CALN1: variants seen among roughly 807,000 people sequenced by gnomAD.
The protein encoded by CALN1 is calcium-binding protein 8.
CALN1 carries 17 observed loss-of-function variants against 30.6 expected under a neutral mutation model. The observed-to-expected ratio is 0.56, with a 90% CI of 0.38 to 0.83. CALN1 has a LOEUF of 0.83. Ranked by LOEUF, CALN1 falls within the 40% of genes least tolerant of loss-of-function variation. The pLI, the probability that CALN1 is intolerant of heterozygous loss-of-function variation, is 0.00. For synonymous variants in CALN1, 156 were observed against 131.4 expected (o/e 1.19, Z -1.28); for missense variants, 291 against 354.9 (o/e 0.82, Z 1.45).
intron 5 of CALN1, among the ~76,000 whole-genome samples, chr7:71,844,818 T>C (rs1301412748): frequency 6.6e-6 from 1 of 152,228 alleles, no homozygotes; most frequent in African/African-American, 2.4e-5. Flanking sequence ...TGTAATTTAT[T>C]GGAAACATCA....
intron 5 of CALN1, among the ~76,000 whole-genome samples, chr7:71,819,493 C>T (rs1017023107): frequency 1.3e-5 from 2 of 152,154 alleles, no homozygotes; most frequent in African/African-American, 2.4e-5. Flanking sequence ...CATGAGCCAC[C>T]GTGCCTGGCC....
At chr7:72,153,182 C>T (rs1246423920) in intron 3 of CALN1, among the ~76,000 whole-genome samples, 3 of 152,220 alleles carry the variant, frequency 2.0e-5, no homozygotes, top group East Asian at 3.8e-4. Context: ...TCCTCTAACA[C>T]CCCTTGGCTG....
intron 3 of CALN1, among the ~76,000 whole-genome samples, chr7:72,177,743 C>T (rs1210594567): frequency 2.9e-5 from 3 of 104,548 alleles, no homozygotes; most frequent in East Asian, 9.5e-4. Flanking sequence ...CCAGCCTGGG[C>T]GACAGAGGGA....
At chr7:72,255,859 T>A (rs969554171) in intron 3 of CALN1, among the ~76,000 whole-genome samples, 4 of 151,920 alleles carry the variant, frequency 2.6e-5, no homozygotes, top group African/African-American at 9.7e-5. Context: ...GCCTCCTGAG[T>A]AGCTGCGATT....
At chr7:72,384,231 G>A (rs1001116726) in intron 2 of CALN1, among the ~76,000 whole-genome samples, 5 of 152,174 alleles carry the variant, frequency 3.3e-5, no homozygotes, top group East Asian at 1.9e-4. Flanking sequence ...TCTCTGAGAA[G>A]TGTAGTTTTT....
intron 3 of CALN1, among the ~76,000 whole-genome samples, chr7:72,163,122 C>A (rs1441187900): frequency 1.3e-5 from 2 of 152,026 alleles, no homozygotes; most frequent in East Asian, 1.9e-4. Context: ...CAGAGATTGG[C>A]AAAACGTTTG....
chr7:72,464,080 AAAAGAAAG>A, the CALN1 span, among the ~76,000 whole-genome samples: 180 of 150,346 alleles, frequency 1.2e-3, no homozygotes, highest in African/African-American at 1.9e-3. Flanking sequence ...AGAAGAAAGA[AAAAGAAAG>A]AAAGAAAGAA....
intron 2 of CALN1, among the ~76,000 whole-genome samples, chr7:72,311,292 T>C (rs1476321734): frequency 6.6e-6 from 1 of 152,174 alleles, no homozygotes; most frequent in Non-Finnish European, 1.5e-5. Context: ...ACACAATATA[T>C]AATATATCAA....
intron 2 of CALN1, among the ~76,000 whole-genome samples, chr7:72,284,062 TG>T (rs1194922921): frequency 1.3e-5 from 2 of 152,300 alleles, no homozygotes; most frequent in East Asian, 3.9e-4. Context: ...AGGCTGATGC[TG>T]GAAGATTACT....
chr7:72,337,191 C>CTCCCCAGCGGA, intron 2 of CALN1: 7 of 985,230 alleles, frequency 7.1e-6, no homozygotes, highest in Non-Finnish European at 8.4e-6. Context: ...TCCCCAGCTC[C>CTCCCCAGCGGA]TCCCCAGCGG....
chr7:72,010,149 AT>A (rs931560114), intron 5 of CALN1, among the ~76,000 whole-genome samples: 1 of 152,182 alleles, frequency 6.6e-6, no homozygotes, highest in Non-Finnish European at 1.5e-5. Context: ...CCCAAAATTC[AT>A]ATACTGAAAT....
intron 5 of CALN1, among the ~76,000 whole-genome samples, chr7:72,003,806 A>G (rs1371845509): frequency 6.6e-6 from 1 of 152,182 alleles, no homozygotes; most frequent in Non-Finnish European, 1.5e-5. Context: ...TGCATAATCA[A>G]TGTGATGTGC....
intron 5 of CALN1, among the ~76,000 whole-genome samples, chr7:71,828,708 ATATATG>A (rs986971997): frequency 8.6e-5 from 12 of 140,308 alleles, no homozygotes; most frequent in Admixed American, 2.1e-4. Flanking sequence ...ATATACATAT[ATATATG>A]TATATGTGTG....
chr7:72,387,233 AAGGGAGGGGAGGG>A (rs1805269989), intron 2 of CALN1, among the ~76,000 whole-genome samples: 1 of 56,936 alleles, frequency 1.8e-5, no homozygotes, highest in Non-Finnish European at 3.2e-5. Flanking sequence ...GAAGGAAGGG[AAGGGAGGGGAGGG>A]AGGGAGGGAG....
At chr7:72,267,107 G>T (rs1164136849) in intron 3 of CALN1, among the ~76,000 whole-genome samples, 1 of 152,172 alleles carries the variant, frequency 6.6e-6, no homozygotes, top group East Asian at 1.9e-4. Context: ...TTGTCTTCTT[G>T]TAACAGGAAT....
At position 71,831,070 on chromosome 7, in the gene CALN1, G is replaced by C. The variant is rs73362108; in HGVS notation, c.502-20578C>G. Among the ~76,000 whole-genome samples the C allele has an allele frequency of 8.0e-4, 122 of 152,240 alleles. 1 individual carries two copies. The highest frequency in any genetic ancestry group is 2.9e-3 in the African/African-American group (122 of 41,546). Reference sequence around the variant, plus strand: ...ATAAATGCAGACCCCGAGTTCAGGAGCTAATGGACTCATAATCTAGGATGG... The same window carrying C: ...ATAAATGCAGACCCCGAGTTCAGGACCTAATGGACTCATAATCTAGGATGG... On this transcript the variant is annotated intron_variant, in intron 5 of 6. Coordinates refer to ENST00000395275, the MANE Select transcript of CALN1 (RefSeq NM_031468.4).
intron 2 of CALN1, among the ~76,000 whole-genome samples, chr7:72,395,682 G>A (rs1805885087): frequency 6.6e-6 from 1 of 152,172 alleles, no homozygotes; most frequent in Non-Finnish European, 1.5e-5. Flanking sequence ...GAATCTCCAG[G>A]AGGGTGAAAG....
chr7:72,288,245 C>A (rs558434859), intron 2 of CALN1, among the ~76,000 whole-genome samples: 14 of 152,182 alleles, frequency 9.2e-5, no homozygotes, highest in African/African-American at 3.1e-4. Flanking sequence ...TGGCTCCCAA[C>A]ATGATGCCAT....
At chr7:72,329,071 A>G (rs1178447090) in intron 2 of CALN1, among the ~76,000 whole-genome samples, 2 of 152,256 alleles carry the variant, frequency 1.3e-5, no homozygotes, top group Non-Finnish European at 2.9e-5. Context: ...AAAATCATTC[A>G]TAACGCCAAC....
Sources: gnomAD v4.1 joint callset for allele counts (sites outside exome capture counted in the v4.1 genomes callset) on GRCh38, gnomAD v4.1.1 for gene constraint, MANE v1.5 for transcripts, NCBI Gene and HGNC (gene_info 2026-07-23, HGNC 2026-07-21) for gene names.